The following RNF4 variants were observed in gnomAD, a reference collection of about 807,000 sequenced individuals.
RNF4 encodes ring finger protein 4.
In RNF4, 7 loss-of-function variants were observed where a neutral mutation model predicts 24.3. The observed-to-expected ratio is 0.29, with a 90% CI of 0.16 to 0.54. The LOEUF (loss-of-function observed/expected upper bound fraction) is 0.54, where lower values mean the gene tolerates loss of function less well. Among genes scored for constraint, RNF4 ranks in the 20% least tolerant of loss-of-function variants. RNF4 has a pLI of 0.95. For missense variants in RNF4, 209 were observed against 248.5 expected (o/e 0.84, Z 1.07); for synonymous variants, 83 against 84.3 (o/e 0.98, Z 0.09).
At chr4:2,486,449 G>A (rs1200403149) in intron 1 of RNF4, among the ~76,000 whole-genome samples, 1 of 152,120 alleles carries the variant, frequency 6.6e-6, no homozygotes, top group Non-Finnish European at 1.5e-5. Flanking sequence ...CAGCCTCTTG[G>A]TGGCTTATCC....
chr4:2,470,163 C>T (rs1734857870), intron 1 of RNF4: 1 of 152,234 alleles, frequency 6.6e-6, no homozygotes, highest in Non-Finnish European at 1.5e-5. Context: ...AGCTCTGGAG[C>T]CTGGCTTAGA....
In RNF4 at chr4:2,512,280, G is replaced by A; in HGVS notation, c.215-158G>A. ...AGATAAGATAGTGGCCTCCAGAGCTGGGCAGAACCTTCTGGGTTATAGCTG... is the reference window on the plus strand; with the variant it reads ...AGATAAGATAGTGGCCTCCAGAGCTAGGCAGAACCTTCTGGGTTATAGCTG... On this transcript the variant is annotated intron_variant, in intron 5 of 7. Coordinates refer to ENST00000314289, the MANE Select transcript of RNF4 (RefSeq NM_002938.5). The surrounding 1 kb of genome is among the most constrained non-coding windows in gnomAD (Gnocchi z 4.1). 1 of 892,394 alleles carries A rather than the reference G, an allele frequency of 1.1e-6. No homozygotes were observed. Among genetic ancestry groups the A allele is most frequent in the Non-Finnish European group, 1.8e-6 (1 of 567,958 alleles). 55.3% of individuals were successfully genotyped at this position (892,394 alleles called of 1,614,324 possible). A position where few individuals can be genotyped will look rare whatever the true frequency, so the allele number is the denominator to read the frequency against.
chr4:2,482,722 C>T (rs954886201), intron 1 of RNF4, among the ~76,000 whole-genome samples: 1 of 152,198 alleles, frequency 6.6e-6, no homozygotes, highest in Non-Finnish European at 1.5e-5. Flanking sequence ...GCCTCATTGC[C>T]TCTCTGAGCA....
chr4:2,477,278 A>G (rs930713966), intron 1 of RNF4, among the ~76,000 whole-genome samples: 10 of 152,110 alleles, frequency 6.6e-5, no homozygotes, highest in Admixed American at 3.3e-4. Flanking sequence ...ATGATGGTGA[A>G]TAAGTCTCAA....
chr4:2,500,307 A>G (rs1735870732), intron 3 of RNF4, among the ~76,000 whole-genome samples: 1 of 152,182 alleles, frequency 6.6e-6, no homozygotes, highest in Non-Finnish European at 1.5e-5. Flanking sequence ...CCCAAAGAGA[A>G]AGGCCTGGGG....
At chr4:2,508,764 C>T (rs112831279) in intron 4 of RNF4, among the ~76,000 whole-genome samples, 18 of 152,042 alleles carry the variant, frequency 1.2e-4, no homozygotes, top group African/African-American at 4.3e-4. Context: ...ACATGAGCCA[C>T]CACATGCCCG....
chr4:2,495,489 G>T (rs1735705563), intron 2 of RNF4, among the ~76,000 whole-genome samples: 1 of 152,172 alleles, frequency 6.6e-6, no homozygotes, highest in Non-Finnish European at 1.5e-5. Flanking sequence ...TGCAAGGCTG[G>T]TACTGGTGAG....
intron 1 of RNF4, among the ~76,000 whole-genome samples, chr4:2,476,549 C>T (rs977526270): frequency 2.0e-5 from 3 of 152,098 alleles, no homozygotes; most frequent in Non-Finnish European, 2.9e-5. Context: ...TGTGCCACCA[C>T]GGCTGGCTAA....
chr4:2,504,523 C>CTTTT (rs1463058410), intron 4 of RNF4, among the ~76,000 whole-genome samples: 2 of 126,718 alleles, frequency 1.6e-5, no homozygotes, highest in East Asian at 4.7e-4. Flanking sequence ...TGTTTTATAG[C>CTTTT]TTTTATTTAT....
At chr4:2,506,103 GA>G (rs1667248484) in intron 4 of RNF4, 1 of 152,170 alleles carries the variant, frequency 6.6e-6, no homozygotes, top group Non-Finnish European at 1.5e-5. Context: ...GAGGCCATCA[GA>G]TACAGTTTTG....
Position 2,513,664 on chromosome 4 carries a change from T to C in RNF4, c.424-6T>C, listed in dbSNP as rs1736331723. 6.2e-7 allele frequency: 1 copy of C among 1,613,452 alleles called. No homozygotes were observed. On this transcript the variant is annotated splice_region_variant and splice_polypyrimidine_tract_variant and intron_variant, in intron 7 of 7. Coordinates refer to ENST00000314289, the MANE Select transcript of RNF4 (RefSeq NM_002938.5). The stretch of plus-strand genomic sequence containing the variant: ...CTCGGAGGCTCTTCTTTTTAATGCC[T>C]TCTAGATCGTGCAGAATGGACGTCT...
chr4:2,504,726 A>ATTTTTTTTTTTTTTTTTTTTTTTTTT (rs1182588172), intron 4 of RNF4, among the ~76,000 whole-genome samples: 1 of 61,126 alleles, frequency 1.6e-5, no homozygotes, highest in African/African-American at 6.1e-5. Context: ...CATTTTTTGT[A>ATTTTTTTTTTTTTTTTTTTTTTTTTT]TTTTTTTTTT....
At chr4:2,472,204 A>G (rs1165740768) in intron 1 of RNF4, among the ~76,000 whole-genome samples, 1 of 152,190 alleles carries the variant, frequency 6.6e-6, no homozygotes, top group Non-Finnish European at 1.5e-5. Context: ...GCAAAAATCT[A>G]CTGTGTGCTG....
chr4:2,486,881 C>T (rs916844259), intron 1 of RNF4, among the ~76,000 whole-genome samples: 1 of 152,108 alleles, frequency 6.6e-6, no homozygotes, highest in Non-Finnish European at 1.5e-5. Flanking sequence ...GGAGAACAAG[C>T]CCCTATATGA....
chr4:2,512,675 T>C lies in RNF4; in HGVS notation c.374+78T>C. The C allele has an allele frequency of 6.5e-7, 1 of 1,527,344 alleles. No homozygotes were observed. The highest frequency in any genetic ancestry group is 8.9e-7 in the Non-Finnish European group (1 of 1,128,726). 94.6% of individuals were successfully genotyped at this position (1,527,344 alleles called of 1,614,324 possible). ...GCATGGGAATACTTTTCAGCAAATC[T>C]GTGAGCCCTTGGCCCTGGAAGGGCT... On this transcript the variant is annotated intron_variant, in intron 6 of 7. Coordinates refer to ENST00000314289, the MANE Select transcript of RNF4 (RefSeq NM_002938.5). This position sits in a 1 kb window ranked among gnomAD's most constrained non-coding sequence, Gnocchi z 4.1.
chr4:2,481,893 A>G (rs778052087), intron 1 of RNF4, among the ~76,000 whole-genome samples: 4 of 152,042 alleles, frequency 2.6e-5, no homozygotes, highest in Non-Finnish European at 4.4e-5. Context: ...ATTTTTTTGT[A>G]GAGACAGGAT....
At chr4:2,483,625 A>G (rs1376843849) in intron 1 of RNF4, among the ~76,000 whole-genome samples, 2 of 151,950 alleles carry the variant, frequency 1.3e-5, no homozygotes, top group African/African-American at 2.4e-5. Context: ...CCAACATGGC[A>G]AAGCCCCATC....
In RNF4 at chr4:2,512,614, A is replaced by C; in HGVS notation, c.374+17A>C. The C allele has an allele frequency of 2.5e-6, 4 of 1,612,660 alleles. No individual in the cohort carries two copies. The highest frequency in any genetic ancestry group is 3.4e-6 in the Non-Finnish European group (4 of 1,179,104). On this transcript the variant is annotated intron_variant, in intron 6 of 7. Coordinates refer to ENST00000314289, the MANE Select transcript of RNF4 (RefSeq NM_002938.5). The surrounding 1 kb of genome is among the most constrained non-coding windows in gnomAD (Gnocchi z 4.1). ...AGGCCTCAGGTACCAACGTGCCCCC[A>C]GCTCTGCTGCCGCCATGCTAGGATG...
chr4:2,490,298 A>C (rs1735540736), intron 1 of RNF4, 39 bp from the exon 2 acceptor site: 2 of 581,392 alleles, frequency 3.4e-6, no homozygotes, highest in African/African-American at 1.9e-5. Context: ...CAATGATGTA[A>C]GTGGCAGTAT....
Sources: allele counts gnomAD v4.1 joint callset (sites outside exome capture counted in the v4.1 genomes callset), GRCh38; gene constraint gnomAD v4.1.1; non-coding constraint Gnocchi (gnomAD v3.1); transcripts MANE v1.5; gene names NCBI Gene and HGNC (gene_info 2026-07-23, HGNC 2026-07-21).